MRTFA: variants seen among roughly 807,000 people sequenced by gnomAD.
MRTFA encodes myocardin related transcription factor A, also known as myocardin-related transcription factor A.
A neutral mutation model predicts 83.5 loss-of-function variants in MRTFA; 20 were observed. That is an observed-to-expected ratio of 0.24 (90% CI 0.17 to 0.35). The LOEUF (loss-of-function observed/expected upper bound fraction) is 0.35, where lower values mean the gene tolerates loss of function less well. MRTFA is among the 10% of genes least tolerant of loss of function. The pLI, the probability that MRTFA is intolerant of heterozygous loss-of-function variation, is 1.00. For missense variants in MRTFA, 1,200 were observed against 1,224.7 expected (o/e 0.98, Z 0.30); for synonymous variants, 659 against 541.2 (o/e 1.22, Z -3.02).
intron 3 of MRTFA, among the ~76,000 whole-genome samples, chr22:40,506,029 C>A (rs188257181): frequency 4.0e-4 from 61 of 152,204 alleles, no homozygotes; most frequent in Non-Finnish European, 3.5e-4. Context: ...GTCAGAAGAT[C>A]GAGACCATCC....
chr22:40,576,648 G>A (rs1365427037), intron 2 of MRTFA, among the ~76,000 whole-genome samples: 1 of 152,100 alleles, frequency 6.6e-6, no homozygotes, highest in Non-Finnish European at 1.5e-5. Context: ...AAATGGACTA[G>A]GGAAAATACA....
At chr22:40,565,339 G>A (rs923235958) in intron 2 of MRTFA, among the ~76,000 whole-genome samples, 1 of 152,154 alleles carries the variant, frequency 6.6e-6, no homozygotes, top group Non-Finnish European at 1.5e-5. Context: ...TTGAGATCAG[G>A]AGTTCAAGAC....
chr22:40,440,151 C>CAAAAAAAA (rs376161982), intron 4 of MRTFA, among the ~76,000 whole-genome samples: 1 of 70,796 alleles, frequency 1.4e-5, no homozygotes, highest in Non-Finnish European at 3.1e-5. Flanking sequence ...GACTCCGTCT[C>CAAAAAAAA]AAAAAAAAAA....
intron 1 of MRTFA, among the ~76,000 whole-genome samples, chr22:40,595,656 G>A: frequency 6.6e-6 from 1 of 152,060 alleles, no homozygotes; most frequent in Non-Finnish European, 1.5e-5. Flanking sequence ...TCCTTATTAT[G>A]AGGCATAATA....
intron 2 of MRTFA, among the ~76,000 whole-genome samples, chr22:40,584,290 AGTAAGT>A (rs1260834677): frequency 1.3e-5 from 2 of 152,234 alleles, no homozygotes. Flanking sequence ...TCTCCAAATA[AGTAAGT>A]GGCAAAGCCA....
intron 3 of MRTFA, among the ~76,000 whole-genome samples, chr22:40,503,254 T>C (rs1447069173): frequency 6.6e-6 from 1 of 152,248 alleles, no homozygotes; most frequent in African/African-American, 2.4e-5. Flanking sequence ...CCATTTACTC[T>C]TTTTAAGTGG....
chr22:40,480,179 G>A (rs1321349540), intron 3 of MRTFA, among the ~76,000 whole-genome samples: 4 of 152,090 alleles, frequency 2.6e-5, no homozygotes, highest in African/African-American at 9.7e-5. Context: ...GTAAAAGGTA[G>A]AGCAGAAATT....
At chr22:40,474,983 T>A (rs895039342) in intron 3 of MRTFA, among the ~76,000 whole-genome samples, 1 of 151,930 alleles carries the variant, frequency 6.6e-6, no homozygotes, top group African/African-American at 2.4e-5. Context: ...GGACTACAGG[T>A]GTGTGCCACC....
At chr22:40,547,664 C>T (rs2055386493) in intron 3 of MRTFA, among the ~76,000 whole-genome samples, 1 of 151,834 alleles carries the variant, frequency 6.6e-6, no homozygotes, top group Non-Finnish European at 1.5e-5. Context: ...CCAGCCTGGC[C>T]AATATGGTGA....
chr22:40,499,472 G>A (rs901325626), intron 3 of MRTFA, among the ~76,000 whole-genome samples: 11 of 152,250 alleles, frequency 7.2e-5, no homozygotes, highest in Admixed American at 4.6e-4. Context: ...GATAAAAGGA[G>A]AGTTTCCTAA....
At chr22:40,413,396 G>A (rs1446679044) in intron 14 of MRTFA, among the ~76,000 whole-genome samples, 2 of 150,108 alleles carry the variant, frequency 1.3e-5, no homozygotes, top group African/African-American at 2.5e-5. Flanking sequence ...CTGCAGTGCA[G>A]TGGGGCAATC....
chr22:40,621,310 T>C (rs1040976057), intron 1 of MRTFA, among the ~76,000 whole-genome samples: 2 of 152,156 alleles, frequency 1.3e-5, no homozygotes, highest in African/African-American at 4.8e-5. Context: ...TTCTGATACA[T>C]GCTACAACAT....
chr22:40,497,339 A>G (rs1000433077), intron 3 of MRTFA, among the ~76,000 whole-genome samples: 1 of 152,244 alleles, frequency 6.6e-6, no homozygotes, highest in Non-Finnish European at 1.5e-5. Flanking sequence ...GAAAATAACA[A>G]TTACTTGAGG....
intron 2 of MRTFA, among the ~76,000 whole-genome samples, chr22:40,583,639 A>C (rs2055981866): frequency 6.6e-6 from 1 of 152,210 alleles, no homozygotes. Context: ...CTGTCAGATC[A>C]GCAGTGGCAT....
chr22:40,606,963 A>G (rs899755327), intron 1 of MRTFA, among the ~76,000 whole-genome samples: 1 of 152,256 alleles, frequency 6.6e-6, no homozygotes, highest in African/African-American at 2.4e-5. Context: ...GGTTACACTC[A>G]GCAACACATA....
Position 40,418,688 on chromosome 22 carries a change from A to G in MRTFA, c.2050T>C (p.Cys684Arg). ...CCCAGGGGCTGCTGGCTCAGCTGGC[A>G]GCTGGAGAAGCTGTTCTCCTGCTTC... is the stretch of plus-strand genomic sequence containing the variant. The change falls in exon 12 of 15, where the codon TGC becomes CGC. Residue 684 changes from cysteine to arginine, a missense_variant. This residue lies in a region of MRTFA where 1,107 missense variants were observed against 1,041.8 expected (regional missense o/e 1.06). Coordinates refer to ENST00000355630, the MANE Select transcript of MRTFA (RefSeq NM_020831.6). 1 of 1,252,532 alleles carries G rather than the reference A, an allele frequency of 8.0e-7. No individual in the cohort carries two copies. Among genetic ancestry groups the G allele is most frequent in the South Asian group, 1.4e-5 (1 of 71,046 alleles). 77.6% of individuals were successfully genotyped at this position (1,252,532 alleles called of 1,614,324 possible).
chr22:40,437,258 C>T (rs147041246), intron 4 of MRTFA, among the ~76,000 whole-genome samples: 9 of 152,248 alleles, frequency 5.9e-5, no homozygotes, highest in African/African-American at 1.9e-4. Context: ...TACTGTGTAA[C>T]GCTAGCTCAA....
chr22:40,480,274 A>AT (rs372793419), intron 3 of MRTFA, among the ~76,000 whole-genome samples: 4,220 of 145,002 alleles, frequency 0.029, 156 homozygotes, highest in Middle Eastern at 0.091. Context: ...CTGTATGTTT[A>AT]TTTTTTTTTT....
intron 1 of MRTFA, among the ~76,000 whole-genome samples, chr22:40,636,264 G>C (rs971057914): frequency 6.6e-6 from 1 of 151,588 alleles, no homozygotes; most frequent in Non-Finnish European, 1.5e-5. Flanking sequence ...GCCCGGCCCG[G>C]CCCGGGTCCC....
Sources: gnomAD v4.1 joint callset for allele counts (sites outside exome capture counted in the v4.1 genomes callset) on GRCh38, gnomAD v4.1.1 for gene constraint, gnomAD v4.1.1 regional missense constraint, MANE v1.5 for transcripts, NCBI Gene and HGNC (gene_info 2026-07-23, HGNC 2026-07-21) for gene names.